Variants in LGR6 observed in about 807,000 individuals in gnomAD.
LGR6 encodes leucine rich repeat containing G protein-coupled receptor 6.
LGR6 carries 45 observed loss-of-function variants against 69.4 expected under a neutral mutation model. That is an observed-to-expected ratio of 0.65 (90% CI 0.51 to 0.83). The LOEUF is 0.83. LGR6 is among the 40% of genes least tolerant of loss of function. The pLI is 0.00. For missense variants in LGR6, 1,108 were observed against 1,246.7 expected, an observed-to-expected ratio of 0.89 and a Z score of 1.68; for synonymous variants, 538 against 555.0, an observed-to-expected ratio of 0.97 and a Z score of 0.43.
At chr1:202,279,927 C>T (rs1274069920) in intron 5 of LGR6, among the ~76,000 whole-genome samples, 2 of 152,190 alleles carry the variant, frequency 1.3e-5, no homozygotes, top group African/African-American at 4.8e-5. Context: ...CACTTAAGAA[C>T]ATTCATCTTT....
At chr1:202,279,764 AC>A (rs1665861870) in intron 5 of LGR6, among the ~76,000 whole-genome samples, 1 of 152,218 alleles carries the variant, frequency 6.6e-6, no homozygotes. Context: ...AACCATAGTC[AC>A]CATGATTATC....
chr1:202,277,280 AT>A (rs1322666233), intron 5 of LGR6, among the ~76,000 whole-genome samples: 2 of 152,066 alleles, frequency 1.3e-5, no homozygotes, highest in African/African-American at 4.8e-5. Flanking sequence ...ATCTGGCGTG[AT>A]TTTCTAAACC....
chr1:202,246,551 G>A (rs978407031), intron 4 of LGR6, among the ~76,000 whole-genome samples: 3 of 150,220 alleles, frequency 2.0e-5, no homozygotes, highest in Non-Finnish European at 3.0e-5. Flanking sequence ...ATAAAACAAG[G>A]GCCCTGCCTT....
intron 7 of LGR6, 36 bp downstream of exon 7, chr1:202,297,612 T>G (rs1667257417): frequency 5.1e-6 from 8 of 1,579,300 alleles, no homozygotes; most frequent in Non-Finnish European, 7.0e-6. Flanking sequence ...GGTGTCCTTC[T>G]GTCCCAAGGG....
At chr1:202,209,616 T>G (rs543944402) in intron 1 of LGR6, among the ~76,000 whole-genome samples, 1 of 152,246 alleles carries the variant, frequency 6.6e-6, no homozygotes, top group African/African-American at 2.4e-5. Context: ...AATACTTAGT[T>G]AAAAAAAGTG....
rs1019430889 is a variant in LGR6 at position 202,307,194 on chromosome 1, G to T, written c.1209-136G>T. On this transcript the variant is annotated intron_variant, in intron 13 of 17. Transcript: ENST00000367278. The stretch of plus-strand genomic sequence containing the variant: ...CAGCTCAGGAGCTGGGCAGCAGCAG[G>T]TACCTTCCCCAAAAGGCAAAGGTTA... 14 of 853,840 alleles carry T rather than the reference G, an allele frequency of 1.6e-5. No individual in the cohort carries two copies. The South Asian group carries it at 2.2e-4, about 14-fold the overall frequency. 52.9% of individuals were successfully genotyped at this position (853,840 alleles called of 1,614,324 possible). A position where few individuals can be genotyped will look rare whatever the true frequency, so the allele number is the denominator to read the frequency against.
intron 4 of LGR6, among the ~76,000 whole-genome samples, chr1:202,238,257 A>G (rs1041924413): frequency 2.0e-5 from 3 of 151,322 alleles, no homozygotes; most frequent in Non-Finnish European, 4.4e-5. Context: ...TACCACGCCA[A>G]CTAATTTTTG....
intron 17 of LGR6, among the ~76,000 whole-genome samples, chr1:202,315,779 C>T (rs1184945769): frequency 6.6e-6 from 1 of 152,208 alleles, no homozygotes; most frequent in African/African-American, 2.4e-5. Flanking sequence ...GTGACAACAG[C>T]ACGCCCTCTA....
At chr1:202,311,532 C>T (rs999706811) in intron 16 of LGR6, among the ~76,000 whole-genome samples, 5 of 152,122 alleles carry the variant, frequency 3.3e-5, no homozygotes, top group Admixed American at 6.5e-5. Context: ...TGGTGGCATG[C>T]GCCTGTAGTC....
chr1:202,282,517 C>A (rs1204407943), intron 6 of LGR6, among the ~76,000 whole-genome samples: 1 of 152,136 alleles, frequency 6.6e-6, no homozygotes, highest in Non-Finnish European at 1.5e-5. Flanking sequence ...CCTGCAAAAG[C>A]CTGTGTGCCC....
At chr1:202,309,765 G>T (rs760801314) in intron 15 of LGR6, among the ~76,000 whole-genome samples, 4 of 152,224 alleles carry the variant, frequency 2.6e-5, no homozygotes, top group Admixed American at 6.5e-5. Flanking sequence ...TAGGGTGCAG[G>T]TCTCACTGAG....
chr1:202,305,998 C>G (rs1193321018), intron 12 of LGR6, among the ~76,000 whole-genome samples: 1 of 152,146 alleles, frequency 6.6e-6, no homozygotes, highest in Non-Finnish European at 1.5e-5. Flanking sequence ...AAGGTGGCTC[C>G]TTATAAATCA....
intron 15 of LGR6, 96 bp from the exon 16 acceptor site, chr1:202,310,101 T>A: frequency 8.0e-7 from 1 of 1,256,420 alleles, no homozygotes; most frequent in Non-Finnish European, 1.1e-6. Flanking sequence ...AGACACTGAG[T>A]GCCCAGCCCC....
Position 202,280,807 on chromosome 1 carries a change from A to G in LGR6, c.671A>G (p.His224Arg), listed in dbSNP as rs779140957. 3.1e-6 allele frequency: 5 copies of G among 1,614,212 alleles called. No individual in the cohort carries two copies. The highest frequency in any genetic ancestry group is 4.2e-6 in the Non-Finnish European group (5 of 1,180,038). The change falls in exon 6 of 18, where the codon CAT (histidine) becomes CGT (arginine). Residue 224 changes from histidine to arginine, a missense_variant. Physicochemically the swap from His to Arg is conservative, Grantham distance 29. Transcript: ENST00000367278. ...CATTTGCATAACAACCGCATCCAGC[A>G]TCTGGGGACCCACAGCTTCGAGGGG... ...VLHLHNNRIQHLGTHSFEGLH... is the reference protein window; with the variant it reads ...VLHLHNNRIQRLGTHSFEGLH...
intron 4 of LGR6, among the ~76,000 whole-genome samples, chr1:202,265,699 C>T (rs1260161856): frequency 6.6e-6 from 1 of 152,214 alleles, no homozygotes; most frequent in Non-Finnish European, 1.5e-5. Flanking sequence ...GTCCCCTTTC[C>T]TCCCTGGTTA....
At chr1:202,216,688 G>A (rs1407272364) in intron 1 of LGR6, among the ~76,000 whole-genome samples, 2 of 152,200 alleles carry the variant, frequency 1.3e-5, no homozygotes, top group Non-Finnish European at 2.9e-5. Flanking sequence ...CTCTCCAGAG[G>A]CTCTGCTCTG....
At chr1:202,273,085 T>C (rs1344990595) in intron 4 of LGR6, among the ~76,000 whole-genome samples, 1 of 152,232 alleles carries the variant, frequency 6.6e-6, no homozygotes, top group African/African-American at 2.4e-5. Context: ...CCCTGCAGCT[T>C]ACTAGTTGTG....
intron 1 of LGR6, among the ~76,000 whole-genome samples, chr1:202,204,358 C>CCTT (rs1658960406): frequency 1.8e-5 from 2 of 110,808 alleles, no homozygotes; most frequent in East Asian, 3.1e-4. Context: ...ACACACACCT[C>CCTT]CACACACACA....
intron 4 of LGR6, among the ~76,000 whole-genome samples, chr1:202,236,501 C>A (rs1000507582): frequency 6.6e-6 from 1 of 152,206 alleles, no homozygotes; most frequent in African/African-American, 2.4e-5. Context: ...ATCCCTCCCT[C>A]CAAGGAGCCC....
Sources: allele counts gnomAD v4.1 joint callset (sites outside exome capture counted in the v4.1 genomes callset), GRCh38; gene constraint gnomAD v4.1.1; transcripts MANE v1.5; gene names NCBI Gene and HGNC (gene_info 2026-07-23, HGNC 2026-07-21).